MYH3: variants seen among roughly 807,000 people sequenced by gnomAD.
The protein encoded by MYH3 is myosin heavy chain 3, also known as myosin-3.
In MYH3, 130 loss-of-function variants were observed where a neutral mutation model predicts 238.0. The ratio of observed to expected loss-of-function variants is 0.55; its 90% CI spans 0.47 to 0.63. The LOEUF is 0.63. MYH3 is among the 30% of genes least tolerant of loss of function. The pLI, the probability that MYH3 is intolerant of heterozygous loss-of-function variation, is 0.00. For missense variants in MYH3, 1,853 were observed against 2,374.9 expected (o/e 0.78, Z 4.57); for synonymous variants, 880 against 924.1 (o/e 0.95, Z 0.86).
In MYH3 at chr17:10,640,114, T is replaced by C; in HGVS notation, c.2564A>G (p.Glu855Gly). 1 of 1,614,162 alleles carries C rather than the reference T, an allele frequency of 6.2e-7. No individual in the cohort carries two copies. ...TTCATCTTTGGTTTTCTGGAATTCT[T>C]CCTTCATGGTGGCCATCTCTTTCTC... ...ETEKEMATMK[E>G]EFQKTKDELA... is the part of the protein sequence containing the mutation. Residue 855 changes from glutamate to glycine, a missense_variant, in exon 22 of 41, where the codon GAA becomes GGA. Coordinates refer to ENST00000583535, the MANE Select transcript of MYH3 (RefSeq NM_002470.4).
At chr17:10,633,991 G>T in intron 32 of MYH3, 26 bp downstream of exon 32, 1 of 1,611,850 alleles carries the variant, frequency 6.2e-7, no homozygotes. Context: ...AAAGGAGGAG[G>T]TTTCAGAGGG....
chr17:10,640,485 G>A lies in MYH3; in HGVS notation c.2290-16C>T, dbSNP rs1333321580. ...TGAAGAACACCTTATGGGGCAGAAG[G>A]GTGACATGAGTCAGTTTCCTAGAGA... On this transcript the variant is annotated splice_polypyrimidine_tract_variant and intron_variant, in intron 20 of 40. Coordinates refer to ENST00000583535, the MANE Select transcript of MYH3 (RefSeq NM_002470.4). 3 of 1,614,236 alleles carry A rather than the reference G, an allele frequency of 1.9e-6. No homozygotes were observed. The South Asian group carries it at 3.3e-5, about 18-fold the overall frequency.
intron 26 of MYH3, 152 bp from the exon 27 acceptor site, chr17:10,638,584 T>A (rs1376678671): frequency 9.0e-7 from 1 of 1,112,376 alleles, no homozygotes; most frequent in Non-Finnish European, 1.3e-6. Flanking sequence ...AGGAATTTTT[T>A]CTGCCCCAAC....
At chr17:10,638,762 G>A in intron 26 of MYH3, 111 bp downstream of exon 26, 1 of 1,084,348 alleles carries the variant, frequency 9.2e-7, no homozygotes, top group Non-Finnish European at 1.4e-6. Flanking sequence ...GGAACCATGA[G>A]GCAGGTGGCC....
the MYH3 span, among the ~76,000 whole-genome samples, chr17:10,671,187 C>G: frequency 1.3e-5 from 2 of 152,254 alleles, no homozygotes; most frequent in Non-Finnish European, 1.5e-5. Context: ...GCCACCATGC[C>G]CGGCCTCTGC....
In MYH3 at chr17:10,649,557, C is replaced by G; in HGVS notation, c.642+20G>C. 4.7e-5 allele frequency: 73 copies of G among 1,560,780 alleles called. No homozygotes were observed. Among genetic ancestry groups the G allele is most frequent in the Non-Finnish European group, 6.4e-5 (72 of 1,131,482 alleles). Reference sequence around the variant, plus strand: ...CAGTTAAAAGTGGAAGCAAAGCAAGCCTTCCTCTCCCATCTATACCTTCAT... The same window carrying G: ...CAGTTAAAAGTGGAAGCAAAGCAAGGCTTCCTCTCCCATCTATACCTTCAT... On this transcript the variant is annotated intron_variant, in intron 7 of 40. Transcript: ENST00000583535.
At position 10,641,061 on chromosome 17, in the gene MYH3, A is replaced by C. The variant is rs138116525; in HGVS notation, c.2165+24T>G. The C allele has an allele frequency of 5.6e-4, 836 of 1,505,902 alleles. 8 individuals are homozygous for C. In the African/African-American group the frequency reaches 9.8e-3, roughly 18 times the overall value. The allele number at this position is 1,505,902 out of a possible 1,614,324, so 93.3% of individuals were successfully genotyped here. ...GTGTTCGTACATCTCATCCCCAAGC[A>C]TATAGAACATGTTTATTACACACCT... is the stretch of plus-strand genomic sequence containing the variant. On this transcript the variant is annotated intron_variant, in intron 19 of 40. Coordinates refer to ENST00000583535, the MANE Select transcript of MYH3 (RefSeq NM_002470.4).
At chr17:10,644,268 T>C (rs1049002044) in intron 14 of MYH3, 83 bp downstream of exon 14, 15 of 1,431,904 alleles carry the variant, frequency 1.0e-5, no homozygotes, top group Non-Finnish European at 1.5e-5. Flanking sequence ...ACAGCCGCCA[T>C]CTTGCTATCT....
chr17:10,653,404 C>T (rs1266199439), intron 3 of MYH3, among the ~76,000 whole-genome samples: 1 of 152,174 alleles, frequency 6.6e-6, no homozygotes, highest in African/African-American at 2.4e-5. Flanking sequence ...AGCTGTCCAG[C>T]CCCCGGCCCA....
the MYH3 span, chr17:10,674,331 C>T: frequency 1.2e-5 from 2 of 172,346 alleles, no homozygotes; most frequent in Non-Finnish European, 1.2e-5. Context: ...GAGGCTGAGG[C>T]AGCAGAATCA....
rs876657 is a variant in MYH3, at chr17:10,641,099, G to A, written c.2151C>T (p.Gly717=). The change falls in exon 19 of 41, where the codon GGC becomes GGT. Residue 717 remains glycine (G), a synonymous_variant. Transcript: ENST00000583535. ...TTATTACACACCTTTGTTTAAAATC[G>A]CCATAGAGAATCCTGTTTGGGAACC... ...RKGFPNRILY[G]DFKQRYRVLN... 2.0e-5 allele frequency: 32 copies of A among 1,606,912 alleles called. No individual in the cohort carries two copies. In the South Asian group the frequency reaches 2.1e-4, roughly 10 times the overall value.
Position 10,655,060 on chromosome 17 carries a change from C to G in MYH3, c.5G>C (p.Ser2Thr). Residue 2 changes from serine to threonine, a missense_variant, in exon 3 of 41, where the codon AGT becomes ACT. Ser to Thr is a moderately conservative substitution (Grantham distance 58). Transcript: ENST00000583535. ...GAACACTTCCATTTCAGTGTCACTACTCATGGTGTCAGCTGGAAGGCAAAC... is the reference window on the plus strand; with the variant it reads ...GAACACTTCCATTTCAGTGTCACTAGTCATGGTGTCAGCTGGAAGGCAAAC... Reference protein sequence around the residue: MSSDTEMEVFGI... With the variant: MTSDTEMEVFGI... The G allele has an allele frequency of 5.6e-6, 9 of 1,614,148 alleles. No individual in the cohort carries two copies. Among genetic ancestry groups the G allele is most frequent in the Non-Finnish European group, 7.6e-6 (9 of 1,180,016 alleles).
intron 28 of MYH3, among the ~76,000 whole-genome samples, chr17:10,636,756 A>T (rs551716770): frequency 6.9e-4 from 105 of 152,172 alleles, no homozygotes; most frequent in Non-Finnish European, 6.2e-4. Context: ...TCTACTAAAA[A>T]TACAAAAATT....
In MYH3 at chr17:10,645,857, A is replaced by G; in HGVS notation, c.1003-12T>C. 3.1e-6 allele frequency: 5 copies of G among 1,613,960 alleles called. No individual in the cohort carries two copies. The highest frequency in any genetic ancestry group is 4.2e-6 in the Non-Finnish European group (5 of 1,180,010). ...ATGTCAATGGCGCTCTGGCATGGAAAGGGCAGCACGTCAGTCAGTTGGCCC... is the reference window on the plus strand; with the variant it reads ...ATGTCAATGGCGCTCTGGCATGGAAGGGGCAGCACGTCAGTCAGTTGGCCC... On this transcript the variant is annotated splice_polypyrimidine_tract_variant and intron_variant, in intron 11 of 40. Coordinates refer to ENST00000583535, the MANE Select transcript of MYH3 (RefSeq NM_002470.4).
chr17:10,655,536 G>A (rs73974806), intron 2 of MYH3, among the ~76,000 whole-genome samples: 8,804 of 152,286 alleles, frequency 0.058, 386 homozygotes, highest in African/African-American at 0.13. Flanking sequence ...GTGGCTACAC[G>A]CTCGTATGCG....
the MYH3 span, chr17:10,676,494 G>C: frequency 6.6e-6 from 1 of 152,136 alleles, no homozygotes; most frequent in African/African-American, 2.4e-5. Flanking sequence ...AAATTAAATG[G>C]TGGTAATCAC....
In MYH3 at chr17:10,651,657, G is replaced by C. The variant is rs1474976243; in HGVS notation, c.360C>G (p.Gly120=). The part of the protein sequence containing the change: ...YTSWMIYTYS[G]LFCVTVNPYK... The stretch of plus-strand genomic sequence containing the variant: ...AGGGGTTGACAGTGACACAGAAGAG[G>C]CCTGAGTAGGTCTGTGGGAGGAAAA... Residue 120 remains glycine (G), a synonymous_variant, in exon 5 of 41, where the codon GGC becomes GGG. Coordinates refer to ENST00000583535, the MANE Select transcript of MYH3 (RefSeq NM_002470.4). The C allele has an allele frequency of 1.9e-6, 3 of 1,613,988 alleles. No homozygotes were observed. Among genetic ancestry groups the C allele is most frequent in the African/African-American group, 1.3e-5 (1 of 74,924 alleles).
At chr17:10,661,221 C>A (rs1433008581), upstream of MYH3, among the ~76,000 whole-genome samples, 2 of 147,120 alleles carry the variant, frequency 1.4e-5, no homozygotes, top group Non-Finnish European at 3.0e-5. Flanking sequence ...AGGTGATCTA[C>A]CTGCCTCAGC....
intron 10 of MYH3, among the ~76,000 whole-genome samples, chr17:10,646,781 C>T (rs1291421742): frequency 6.6e-6 from 1 of 152,188 alleles, no homozygotes; most frequent in African/African-American, 2.4e-5. Flanking sequence ...AGTGCAGTGG[C>T]TCACACCTAT....
Sources: allele counts gnomAD v4.1 joint callset (sites outside exome capture counted in the v4.1 genomes callset), GRCh38; gene constraint gnomAD v4.1.1; transcripts MANE v1.5; gene names NCBI Gene and HGNC (gene_info 2026-07-23, HGNC 2026-07-21).